Variants in MYBPC1 observed in about 807,000 individuals in gnomAD.
MYBPC1 encodes myosin-binding protein C, slow-type.
In MYBPC1, 52 loss-of-function variants were observed where a neutral mutation model predicts 147.1. That is an observed-to-expected ratio of 0.35 (90% CI 0.28 to 0.45). The LOEUF (loss-of-function observed/expected upper bound fraction) is 0.45, where lower values mean the gene tolerates loss of function less well. Among genes scored for constraint, MYBPC1 ranks in the 20% least tolerant of loss-of-function variants. The pLI is 1.00. For synonymous variants in MYBPC1, 477 were observed against 475.9 expected (o/e 1.00, Z -0.03); for missense variants, 1,228 against 1,440.3 (o/e 0.85, Z 2.39).
At chr12:101,669,662 C>T (rs973282884) in intron 23 of MYBPC1, among the ~76,000 whole-genome samples, 23 of 152,216 alleles carry the variant, frequency 1.5e-4, no homozygotes, top group African/African-American at 2.6e-4. Flanking sequence ...ACTGGCCAGA[C>T]GCGGTGGCTC....
intron 28 of MYBPC1, among the ~76,000 whole-genome samples, chr12:101,679,812 A>C (rs1950817322): frequency 6.6e-6 from 1 of 152,050 alleles, no homozygotes; most frequent in South Asian, 2.1e-4. Flanking sequence ...TTCTCTGAAA[A>C]AAATGCTCAG....
rs377463990 is a variant in MYBPC1, at chr12:101,632,189, G to C, written c.556+51G>C. ...AATGTAATTTTTTAATGGGGTGTGA[G>C]GGGATGGAGAAGAAGTAGTTCATTT... On this transcript the variant is annotated intron_variant, in intron 8 of 31. Transcript: ENST00000361466. The C allele has an allele frequency of 1.7e-4, 207 of 1,244,840 alleles. No homozygotes were observed. In the African/African-American group the frequency reaches 2.9e-3, roughly 17 times the overall value. The allele number at this position is 1,244,840 out of a possible 1,614,324, so 77.1% of individuals were successfully genotyped here. A position where few individuals can be genotyped will look rare whatever the true frequency, so the allele number is the denominator to read the frequency against.
At position 101,680,444 on chromosome 12, in the gene MYBPC1, C is replaced by T. The variant is rs760719092; in HGVS notation, c.3348C>T (p.Pro1116=). 17 of 1,614,018 alleles carry T rather than the reference C, an allele frequency of 1.1e-5. No individual in the cohort carries two copies. Among genetic ancestry groups the T allele is most frequent in the Non-Finnish European group, 1.4e-5 (16 of 1,180,010 alleles). Reference sequence around the variant, plus strand: ...TCTGTACCCTGGAAATTCGCAAGCCCAGCCCCTATGATGGAGGCACTTACT... The same window carrying T: ...TCTGTACCCTGGAAATTCGCAAGCCTAGCCCCTATGATGGAGGCACTTACT... ...QGVCTLEIRK[P]SPYDGGTYCC... The change falls in exon 29 of 32, where the codon CCC becomes CCT. Residue 1116 remains proline, a synonymous_variant. Coordinates refer to ENST00000361466, the MANE Select transcript of MYBPC1 (RefSeq NM_002465.4).
At chr12:101,597,217 A>G (rs1055028876) in intron 1 of MYBPC1, among the ~76,000 whole-genome samples, 1 of 152,220 alleles carries the variant, frequency 6.6e-6, no homozygotes, top group Admixed American at 6.5e-5. Context: ...AAAATAAAAC[A>G]TGGCCTAGAG....
Position 101,662,607 on chromosome 12 carries a change from C to G in MYBPC1, c.2221+61C>G, listed in dbSNP as rs6539002. Reference sequence around the variant, plus strand: ...CATTGCCCCAGAGTATGACTGCTTTCTCTCTGATCCCTAACTGGAACAGGC... The same window carrying G: ...CATTGCCCCAGAGTATGACTGCTTTGTCTCTGATCCCTAACTGGAACAGGC... On this transcript the variant is annotated intron_variant, in intron 21 of 31. Coordinates refer to ENST00000361466, the MANE Select transcript of MYBPC1 (RefSeq NM_002465.4). 3.1e-3 allele frequency: 4,899 copies of G among 1,567,958 alleles called. 124 individuals carry two copies. In the African/African-American group the frequency reaches 0.057, roughly 18 times the overall value.
At chr12:101,663,676 A>C in intron 22 of MYBPC1, 116 bp downstream of exon 22, 67 of 1,189,834 alleles carry the variant, frequency 5.6e-5, no homozygotes, top group Non-Finnish European at 7.6e-5. Context: ...AAATAAGATC[A>C]AGCCAAACGT....
chr12:101,672,720 G>A lies in MYBPC1; in HGVS notation c.2614-707G>A, dbSNP rs550092972. Among the ~76,000 whole-genome samples, 212 of 152,166 alleles carry A rather than the reference G, an allele frequency of 1.4e-3. 3 individuals carry two copies. Among genetic ancestry groups the A allele is most frequent in the Non-Finnish European group, 2.3e-3 (154 of 68,002 alleles). On this transcript the variant is annotated intron_variant, in intron 24 of 31. Coordinates refer to ENST00000361466, the MANE Select transcript of MYBPC1 (RefSeq NM_002465.4). ...AAAAATTAGCCAAGCATGGTGGTGCGTGCCTGTAAACCCAAGTACTTGGGA... is the reference window on the plus strand; with the variant it reads ...AAAAATTAGCCAAGCATGGTGGTGCATGCCTGTAAACCCAAGTACTTGGGA...
At chr12:101,684,279 A>G (rs1951214050) in intron 30 of MYBPC1, 103 bp from the exon 31 acceptor site, 2 of 919,612 alleles carry the variant, frequency 2.2e-6, no homozygotes, top group Admixed American at 3.4e-5. Flanking sequence ...TCACCTCTTC[A>G]TAATCATGAC....
intron 28 of MYBPC1, 45 bp from the exon 29 acceptor site, chr12:101,680,298 A>G (rs969346291): frequency 6.4e-7 from 1 of 1,570,954 alleles, no homozygotes; most frequent in South Asian, 1.1e-5. Context: ...TAATATGCCA[A>G]TTACAGATAT....
At chr12:101,614,392 C>A (rs1885305001) in intron 1 of MYBPC1, 104 bp from the exon 2 acceptor site, 7 of 1,247,184 alleles carry the variant, frequency 5.6e-6, no homozygotes, top group Non-Finnish European at 8.1e-6. Flanking sequence ...TGAGTACACA[C>A]AGGTGAGATG....
chr12:101,654,892 A>G (rs570129100), intron 18 of MYBPC1, among the ~76,000 whole-genome samples: 1 of 152,330 alleles, frequency 6.6e-6, no homozygotes, highest in Non-Finnish European at 1.5e-5. Flanking sequence ...ATAAGTCATA[A>G]AAACAAGTCT....
chr12:101,602,502 C>A (rs1880480583), intron 1 of MYBPC1, among the ~76,000 whole-genome samples: 1 of 152,200 alleles, frequency 6.6e-6, no homozygotes, highest in Non-Finnish European at 1.5e-5. Flanking sequence ...CAGGCATGAG[C>A]CACCATGCCC....
intron 28 of MYBPC1, among the ~76,000 whole-genome samples, chr12:101,679,780 T>C (rs901995704): frequency 1.1e-4 from 16 of 149,500 alleles, no homozygotes; most frequent in Non-Finnish European, 5.9e-5. Context: ...GAAAATCAAA[T>C]GATCGTGACA....
chr12:101,665,334 C>T (rs892457344), intron 22 of MYBPC1, among the ~76,000 whole-genome samples: 5 of 152,124 alleles, frequency 3.3e-5, no homozygotes, highest in East Asian at 1.9e-4. Context: ...ATGTGGCTGC[C>T]GACTCTTCAT....
chr12:101,688,835 C>A (rs752130873), downstream of MYBPC1, among the ~76,000 whole-genome samples: 30 of 151,970 alleles, frequency 2.0e-4, no homozygotes, highest in Middle Eastern at 6.8e-3. Flanking sequence ...CACCTGTAGT[C>A]CCAGCTACTC....
In MYBPC1 at chr12:101,670,123, C is replaced by CCACACACACACACA. The variant is rs58177042; in HGVS notation, c.2525-179_2525-166dup. On this transcript the variant is annotated intron_variant, in intron 23 of 31. Transcript: ENST00000361466. The stretch of plus-strand genomic sequence containing the variant: ...CTGTTAAAACATCTCTGTGTGGAAA[C>CCACACACACACACA]CACACACACACACACACACACACAC... Among the ~76,000 whole-genome samples, 478 of 146,308 alleles carry CCACACACACACACA rather than the reference C, an allele frequency of 3.3e-3. 6 individuals are homozygous for CCACACACACACACA. Among genetic ancestry groups the CCACACACACACACA allele is most frequent in the African/African-American group, 0.011 (443 of 39,668 alleles).
chr12:101,676,026 T>G (rs1263785), intron 26 of MYBPC1, among the ~76,000 whole-genome samples: 2 of 152,048 alleles, frequency 1.3e-5, no homozygotes, highest in South Asian at 4.1e-4. Flanking sequence ...CAACCCAGGA[T>G]GGCTTTGAAT....
intron 12 of MYBPC1, among the ~76,000 whole-genome samples, chr12:101,646,269 T>A (rs1193837901): frequency 6.6e-6 from 1 of 152,090 alleles, no homozygotes; most frequent in African/African-American, 2.4e-5. Context: ...TGCTTATACA[T>A]TAAGTATTAT....
chr12:101,616,494 G>T (rs1432980872), intron 2 of MYBPC1, among the ~76,000 whole-genome samples: 2 of 152,046 alleles, frequency 1.3e-5, no homozygotes, highest in East Asian at 3.8e-4. Context: ...AGTTAACTGA[G>T]ATTTGAATCT....
Sources: allele counts gnomAD v4.1 joint callset (sites outside exome capture counted in the v4.1 genomes callset), GRCh38; gene constraint gnomAD v4.1.1; transcripts MANE v1.5; gene names NCBI Gene and HGNC (gene_info 2026-07-23, HGNC 2026-07-21).